Variants in FTO observed in about 807,000 individuals in gnomAD.
The protein encoded by FTO is alpha-ketoglutarate-dependent dioxygenase FTO.
In FTO, 47 loss-of-function variants were observed where a neutral mutation model predicts 63.9. The ratio of observed to expected loss-of-function variants is 0.74; its 90% CI spans 0.58 to 0.94. FTO has a LOEUF of 0.94. FTO is among the 40% of genes least tolerant of loss of function. The pLI, the probability that FTO is intolerant of heterozygous loss-of-function variation, is 0.00. For missense variants in FTO, 562 were observed against 618.1 expected (o/e 0.91, Z 0.96); for synonymous variants, 207 against 224.4 (o/e 0.92, Z 0.69).
intron 8 of FTO, among the ~76,000 whole-genome samples, chr16:54,094,285 C>A (rs17833492): frequency 0.21 from 32,673 of 152,186 alleles, 4,563 homozygotes; most frequent in Middle Eastern, 0.36. Context: ...AAGCCTAAGG[C>A]GGTCTCTTTG....
At chr16:53,734,523 T>G (rs1159924225) in intron 1 of FTO, among the ~76,000 whole-genome samples, 4 of 152,250 alleles carry the variant, frequency 2.6e-5, no homozygotes, top group African/African-American at 9.6e-5. Flanking sequence ...TGAAAGAGTT[T>G]TGTGCCTTTT....
At chr16:53,725,052 T>C (rs1403280472) in intron 1 of FTO, among the ~76,000 whole-genome samples, 1 of 152,244 alleles carries the variant, frequency 6.6e-6, no homozygotes, top group Non-Finnish European at 1.5e-5. Flanking sequence ...GAAGTCATTT[T>C]AACTTTTGTT....
In FTO at chr16:54,100,454, G is replaced by T. The variant is rs527763417; in HGVS notation, c.1365-11308G>T. On this transcript the variant is annotated intron_variant, in intron 8 of 8. Coordinates refer to ENST00000471389, the MANE Select transcript of FTO (RefSeq NM_001080432.3). Reference sequence around the variant, plus strand: ...TGTACCTTCAGCTTCCCAGGCTCAAGTGATCCTCCCACCTCAGCCTCCCAA... The same window carrying T: ...TGTACCTTCAGCTTCCCAGGCTCAATTGATCCTCCCACCTCAGCCTCCCAA... Among the ~76,000 whole-genome samples, 4 of 152,252 alleles carry T rather than the reference G, an allele frequency of 2.6e-5. No homozygotes were observed. In the South Asian group the frequency reaches 8.3e-4, roughly 32 times the overall value.
chr16:53,765,886 A>T (rs551162155), intron 1 of FTO, among the ~76,000 whole-genome samples: 27 of 152,332 alleles, frequency 1.8e-4, no homozygotes, highest in African/African-American at 6.5e-4. Flanking sequence ...TTTCGATTTT[A>T]TTCCAAGTCC....
intron 2 of FTO, among the ~76,000 whole-genome samples, chr16:53,816,070 C>A (rs983702385): frequency 1.4e-4 from 22 of 152,070 alleles, no homozygotes; most frequent in Non-Finnish European, 1.5e-4. Flanking sequence ...CTCTGCTGTG[C>A]CCTCTTATCC....
Position 53,704,198 on chromosome 16 carries a change from C to A in FTO, c.14C>A (p.Pro5Gln). 1 of 1,551,468 alleles carries A rather than the reference C, an allele frequency of 6.4e-7. No homozygotes were observed. Among genetic ancestry groups the A allele is most frequent in the Admixed American group, 2.0e-5 (1 of 51,004 alleles). ...TTTAGTGGCAGCATGAAGCGCACCC[C>A]GACTGCCGAGGAACGAGAGCGCGAA... MKRT[P>Q]TAEEREREAK... The change falls in exon 1 of 9, where the codon CCG (proline) becomes CAG (glutamine). Residue 5 changes from proline (P) to glutamine (Q), a missense_variant. Pro to Gln is a moderately conservative substitution (Grantham distance 76). Coordinates refer to ENST00000471389, the MANE Select transcript of FTO (RefSeq NM_001080432.3).
intron 8 of FTO, among the ~76,000 whole-genome samples, chr16:54,016,572 A>G (rs1167978076): frequency 6.6e-6 from 1 of 152,162 alleles, no homozygotes; most frequent in African/African-American, 2.4e-5. Flanking sequence ...AAGTTGTTTA[A>G]TGTTCTCTAA....
At position 53,826,370 on chromosome 16, in the gene FTO, G is replaced by GA. The variant is rs1567333655; in HGVS notation, c.634dup (p.Met212AsnfsTer22). ...CTTTGCTGAATTTCATGGATCCTCA[G>GA]AAAATGCCATACCTGAAAGAGGAAC... On this transcript the variant is annotated frameshift_variant, in exon 3 of 9. Coordinates refer to ENST00000471389, the MANE Select transcript of FTO (RefSeq NM_001080432.3). LOFTEE classifies it high-confidence loss of function. The GA allele has an allele frequency of 1.2e-6, 2 of 1,614,198 alleles. No homozygotes were observed. Among genetic ancestry groups the GA allele is most frequent in the Non-Finnish European group, 1.7e-6 (2 of 1,180,032 alleles).
intron 1 of FTO, among the ~76,000 whole-genome samples, chr16:53,770,786 G>A (rs912157569): frequency 2.0e-5 from 3 of 152,060 alleles, no homozygotes; most frequent in African/African-American, 7.2e-5. Flanking sequence ...TATTTTTTCA[G>A]TTATCATGTT....
intron 1 of FTO, among the ~76,000 whole-genome samples, chr16:53,807,585 A>G (rs1463045967): frequency 1.3e-5 from 2 of 152,092 alleles, no homozygotes; most frequent in Non-Finnish European, 2.9e-5. Context: ...GCTCCTCTTT[A>G]TATGTAGATT....
chr16:54,023,612 C>T (rs944124907), intron 8 of FTO, among the ~76,000 whole-genome samples: 4 of 152,194 alleles, frequency 2.6e-5, no homozygotes, highest in Admixed American at 6.5e-5. Context: ...TCCGTTCCTT[C>T]GTAGCATTCT....
At chr16:54,023,575 G>A (rs566851110) in intron 8 of FTO, among the ~76,000 whole-genome samples, 2 of 152,272 alleles carry the variant, frequency 1.3e-5, no homozygotes, top group South Asian at 4.1e-4. Flanking sequence ...TACCTTGACT[G>A]GATAAAGAGC....
chr16:53,856,628 T>C (rs550651411), intron 4 of FTO, among the ~76,000 whole-genome samples: 15 of 126,686 alleles, frequency 1.2e-4, no homozygotes, highest in Non-Finnish European at 2.2e-4. Flanking sequence ...CGTGTGCCTG[T>C]AATCCCAGCT....
chr16:54,034,313 C>T, intron 8 of FTO, among the ~76,000 whole-genome samples: 1 of 151,996 alleles, frequency 6.6e-6, no homozygotes, highest in East Asian at 1.9e-4. Context: ...ATTTTAAAAC[C>T]AGTGTTTAAG....
chr16:53,739,058 C>A (rs2076461376), intron 1 of FTO, among the ~76,000 whole-genome samples: 1 of 152,104 alleles, frequency 6.6e-6, no homozygotes, highest in African/African-American at 2.4e-5. Flanking sequence ...AACTCCTGGG[C>A]TCAAGTGATC....
At chr16:53,954,190 G>T (rs896501589) in intron 8 of FTO, among the ~76,000 whole-genome samples, 4 of 152,170 alleles carry the variant, frequency 2.6e-5, no homozygotes, top group African/African-American at 9.7e-5. Context: ...GGGAAAGGTG[G>T]ATCTATTTAA....
chr16:53,806,753 G>C (rs1339483774), intron 1 of FTO, among the ~76,000 whole-genome samples: 1 of 152,206 alleles, frequency 6.6e-6, no homozygotes, highest in Non-Finnish European at 1.5e-5. Flanking sequence ...TACAAGTAAT[G>C]ATGTAATGAG....
intron 1 of FTO, among the ~76,000 whole-genome samples, chr16:53,730,000 CA>C (rs2076237300): frequency 6.6e-6 from 1 of 152,184 alleles, no homozygotes; most frequent in South Asian, 2.1e-4. Context: ...GTCTGGCATA[CA>C]ACAAGCACTT....
chr16:53,707,882 A>G (rs1443086395), intron 1 of FTO, among the ~76,000 whole-genome samples: 1 of 152,178 alleles, frequency 6.6e-6, no homozygotes, highest in East Asian at 1.9e-4. Flanking sequence ...TTATTTCTCA[A>G]TTCTACTTCC....
Sources: allele counts gnomAD v4.1 joint callset (sites outside exome capture counted in the v4.1 genomes callset), GRCh38; gene constraint gnomAD v4.1.1; transcripts MANE v1.5; gene names NCBI Gene and HGNC (gene_info 2026-07-23, HGNC 2026-07-21).